Variants in FDFT1 observed in about 807,000 individuals in gnomAD.
FDFT1 encodes the protein squalene synthase.
FDFT1 carries 68 observed loss-of-function variants against 46.8 expected under a neutral mutation model. The ratio of observed to expected loss-of-function variants is 1.45; its 90% CI spans 1.19 to 1.78. FDFT1 has a LOEUF of 1.78. Among genes scored for constraint, FDFT1 ranks in the 40% most tolerant of loss-of-function variants. FDFT1 has a pLI of 0.00. For synonymous variants in FDFT1, 351 were observed against 185.1 expected (o/e 1.90, Z -7.28); for missense variants, 928 against 524.4 (o/e 1.77, Z -7.52).
At chr8:11,817,571 A>G (rs1032869124) in intron 3 of FDFT1, among the ~76,000 whole-genome samples, 1 of 152,098 alleles carries the variant, frequency 6.6e-6, no homozygotes. Flanking sequence ...CAGAGGTTCA[A>G]CTTCTTCCTG....
intron 3 of FDFT1, among the ~76,000 whole-genome samples, chr8:11,811,689 A>C (rs1364035210): frequency 6.6e-6 from 1 of 152,234 alleles, no homozygotes; most frequent in Non-Finnish European, 1.5e-5. Context: ...AGAGTTAGAG[A>C]TTCCATCCTC....
intron 5 of FDFT1, among the ~76,000 whole-genome samples, chr8:11,827,805 C>T (rs769840422): frequency 1.3e-5 from 2 of 151,888 alleles, no homozygotes; most frequent in Non-Finnish European, 2.9e-5. Flanking sequence ...CACTGGGAGA[C>T]CAAGGTAGGA....
At chr8:11,821,625 C>CTAAAT in intron 3 of FDFT1, 125 bp from the exon 4 acceptor site, 3 of 1,146,846 alleles carry the variant, frequency 2.6e-6, no homozygotes, top group Middle Eastern at 2.6e-4. Context: ...AATGTGTGAC[C>CTAAAT]TAAATTAGGC....
At chr8:11,830,196 T>C (rs777062389) in intron 5 of FDFT1, 48 bp from the exon 6 acceptor site, 3 of 1,411,002 alleles carry the variant, frequency 2.1e-6, no homozygotes, top group Non-Finnish European at 3.0e-6. Flanking sequence ...TTGTAAATTC[T>C]CCCCTATGCA....
At chr8:11,804,270 A>G (rs1806517672) in intron 1 of FDFT1, among the ~76,000 whole-genome samples, 3 of 152,244 alleles carry the variant, frequency 2.0e-5, no homozygotes, top group Admixed American at 2.0e-4. Flanking sequence ...TCCAGACTTC[A>G]TTCCTCTATG....
Position 11,831,616 on chromosome 8 carries a change from G to C in FDFT1, c.978G>C (p.Met326Ile). Reference sequence around the variant, plus strand: ...AAGGGCAAGCAGTGACCCTGATGATGGATGCCACCAATATGCCAGCTGTCA... The same window carrying C: ...AAGGGCAAGCAGTGACCCTGATGATCGATGCCACCAATATGCCAGCTGTCA... ...IRKGQAVTLMMDATNMPAVKA... is the reference protein window; with the variant it reads ...IRKGQAVTLMIDATNMPAVKA... Residue 326 changes from methionine (M) to isoleucine (I), a missense_variant, in exon 7 of 8, where the codon ATG (methionine) becomes ATC (isoleucine). Physicochemically the swap from Met to Ile is conservative, Grantham distance 10. Transcript: ENST00000220584. The C allele has an allele frequency of 6.2e-7, 1 of 1,614,030 alleles. No individual in the cohort carries two copies. Among genetic ancestry groups the C allele is most frequent in the Non-Finnish European group, 8.5e-7 (1 of 1,179,876 alleles).
chr8:11,838,553 T>G lies in FDFT1; in HGVS notation c.1198T>G (p.Tyr400Asp). The G allele has an allele frequency of 6.2e-7, 1 of 1,613,636 alleles. No individual in the cohort carries two copies. ...GCTTTTGGCTGCCCTGAGCTGGCAG[T>G]ACCTGACCACTCTCTCCCAGGTAAC... The part of the protein sequence containing the change: ...VMLLAALSWQ[Y>D]LTTLSQVTED... Residue 400 changes from tyrosine (Y) to aspartate (D), a missense_variant, in exon 8 of 8, where the codon TAC becomes GAC. Coordinates refer to ENST00000220584, the MANE Select transcript of FDFT1 (RefSeq NM_004462.5).
chr8:11,809,047 A>G, intron 2 of FDFT1, 156 bp downstream of exon 2: 1 of 1,346,430 alleles, frequency 7.4e-7, no homozygotes, highest in East Asian at 2.6e-5. Flanking sequence ...TACTTTAGAA[A>G]GCCCTTCCAG....
chr8:11,802,698 G>A (rs1806277335), upstream of FDFT1: 2 of 683,192 alleles, frequency 2.9e-6, no homozygotes, highest in Admixed American at 2.7e-5. Flanking sequence ...CGGCGGGCGG[G>A]GCGTCGCCGT....
intron 2 of FDFT1, 151 bp from the exon 3 acceptor site, chr8:11,809,516 T>G: frequency 7.6e-7 from 1 of 1,316,356 alleles, no homozygotes; most frequent in African/African-American, 1.5e-5. Flanking sequence ...TAATGTAACT[T>G]TCGTTAAGTA....
intron 7 of FDFT1, among the ~76,000 whole-genome samples, chr8:11,835,883 C>T (rs1215235735): frequency 6.9e-6 from 1 of 145,020 alleles, no homozygotes; most frequent in African/African-American, 2.5e-5. Context: ...CCTCTAATCT[C>T]AGCACTTTGG....
At chr8:11,802,037 T>A (rs1306762124), upstream of FDFT1, 1 of 455,952 alleles carries the variant, frequency 2.2e-6, no homozygotes, top group Admixed American at 2.3e-5. Context: ...TGAGAGAAGT[T>A]TCCACATTCC....
chr8:11,838,360 T>A lies in FDFT1; in HGVS notation c.1033-28T>A, dbSNP rs1380158489. ...ATGGAAAATGTAAAGCACATAGCAC[T>A]TATCATTTTTTCCTGTGTCTTTAAC... On this transcript the variant is annotated intron_variant, in intron 7 of 7. Coordinates refer to ENST00000220584, the MANE Select transcript of FDFT1 (RefSeq NM_004462.5). 10 of 1,563,876 alleles carry A rather than the reference T, an allele frequency of 6.4e-6. No individual in the cohort carries two copies. The East Asian group carries it at 6.7e-5, about 11-fold the overall frequency.
exon 1 of FDFT1, chr8:11,795,752 AAAC>A (rs1805496168): frequency 6.6e-6 from 1 of 152,252 alleles, no homozygotes; most frequent in African/African-American, 2.4e-5. Context: ...TGGGAGAAAC[AAAC>A]AACTCCAGAC....
At chr8:11,807,450 A>G (rs555482751) in intron 1 of FDFT1, among the ~76,000 whole-genome samples, 1 of 152,314 alleles carries the variant, frequency 6.6e-6, no homozygotes, top group South Asian at 2.1e-4. Context: ...GGCGTGCGCC[A>G]CTGCACCCGG....
upstream of FDFT1, among the ~76,000 whole-genome samples, chr8:11,800,665 A>G (rs1278635811): frequency 1.3e-5 from 2 of 152,216 alleles, no homozygotes; most frequent in East Asian, 3.8e-4. Flanking sequence ...ATTTAGGCTA[A>G]ATTGTGAGAG....
chr8:11,808,389 G>GGGCTGCGT (rs1004129506), intron 1 of FDFT1: 6 of 1,235,548 alleles, frequency 4.9e-6, no homozygotes, highest in African/African-American at 1.6e-5. Flanking sequence ...CGGGGCTGCG[G>GGGCTGCGT]GGCGGGCCCG....
chr8:11,810,933 T>TTAA (rs1461973200), intron 3 of FDFT1, among the ~76,000 whole-genome samples: 1 of 89,448 alleles, frequency 1.1e-5, no homozygotes, highest in Non-Finnish European at 2.1e-5. Flanking sequence ...GAGCAATATT[T>TTAA]AAAAAAAAAA....
intron 7 of FDFT1, among the ~76,000 whole-genome samples, chr8:11,833,649 T>G (rs1031610899): frequency 1.3e-5 from 2 of 152,222 alleles, no homozygotes; most frequent in East Asian, 3.8e-4. Flanking sequence ...TGAGCCCTGT[T>G]TTTGTGAATA....
Sources: allele counts gnomAD v4.1 joint callset (sites outside exome capture counted in the v4.1 genomes callset), GRCh38; gene constraint gnomAD v4.1.1; transcripts MANE v1.5; gene names NCBI Gene and HGNC (gene_info 2026-07-23, HGNC 2026-07-21).